ACMSD: variants seen among roughly 807,000 people sequenced by gnomAD.
ACMSD encodes aminocarboxymuconate semialdehyde decarboxylase, also known as 2-amino-3-carboxymuconate-6-semialdehyde decarboxylase.
In ACMSD, 37 loss-of-function variants were observed where a neutral mutation model predicts 45.9. The ratio of observed to expected loss-of-function variants is 0.81; its 90% CI spans 0.62 to 1.06. The LOEUF is 1.06. Ranked by LOEUF, ACMSD falls within the 50% of genes least tolerant of loss-of-function variation. The probability of loss-of-function intolerance (pLI) is 0.00; values close to 1 mark genes in which losing one functional copy is unlikely to be tolerated. For synonymous variants in ACMSD, 138 were observed against 148.8 expected (o/e 0.93, Z 0.53); for missense variants, 434 against 420.9 (o/e 1.03, Z -0.27).
Position 134,838,704 on chromosome 2 carries a change from C to A in ACMSD, c.22C>A (p.His8Asn). 6.2e-7 allele frequency: 1 copy of A among 1,612,244 alleles called. No homozygotes were observed. The highest frequency in any genetic ancestry group is 8.5e-7 in the Non-Finnish European group (1 of 1,178,832). The change falls in exon 1 of 10, where the codon CAT (histidine) becomes AAT (asparagine). Residue 8 changes from histidine (H) to asparagine (N), a missense_variant. Physicochemically the swap from His to Asn is moderately conservative, Grantham distance 68. Transcript: ENST00000356140. MKIDIHS[H>N]ILPKEWPDLK... ...GGAGATGAAAATTGACATCCATAGT[C>A]ATATTCTACCAAAAGAATGGCCAGA... is the stretch of plus-strand genomic sequence containing the variant.
At position 134,853,363 on chromosome 2, in the gene ACMSD, AG is replaced by A. The variant is rs545348370; in HGVS notation, c.103-5897del. Among the ~76,000 whole-genome samples the A allele has an allele frequency of 3.5e-4, 53 of 152,162 alleles. 1 individual carries two copies. The highest frequency in any genetic ancestry group is 1.1e-3 in the African/African-American group (47 of 41,516). ...ATGAAGTTCTGGCTTTAAAAATATA[AG>A]AGGTGTATTTAAAGTGTGTTATCTG... On this transcript the variant is annotated intron_variant, in intron 2 of 9. Transcript: ENST00000356140.
intron 8 of ACMSD, among the ~76,000 whole-genome samples, chr2:134,874,235 G>C (rs141233694): frequency 1.3e-3 from 201 of 152,284 alleles, no homozygotes; most frequent in African/African-American, 4.7e-3. Flanking sequence ...CAAACTTCTT[G>C]ATGCTGAGAT....
intron 4 of ACMSD, 135 bp from the exon 5 acceptor site, chr2:134,863,260 G>A (rs1687929929): frequency 9.7e-7 from 1 of 1,026,074 alleles, no homozygotes; most frequent in Non-Finnish European, 1.5e-6. Context: ...TTCCCAATCT[G>A]TGCCTCTGTT....
intron 2 of ACMSD, chr2:134,857,732 T>C (rs889637052): frequency 4.0e-5 from 6 of 151,746 alleles, no homozygotes; most frequent in African/African-American, 1.2e-4. Flanking sequence ...AGTGGCAAAA[T>C]GAGCCCCCTT....
intron 2 of ACMSD, chr2:134,857,838 A>C (rs1334861447): frequency 6.8e-6 from 1 of 148,038 alleles, no homozygotes; most frequent in Admixed American, 6.7e-5. Flanking sequence ...CATAGACTTT[A>C]TTGTGTTGAT....
chr2:134,871,025 A>G lies in ACMSD; in HGVS notation c.641A>G (p.Lys214Arg), dbSNP rs1420170427. 2 of 1,614,100 alleles carry G rather than the reference A, an allele frequency of 1.2e-6. No homozygotes were observed. Among genetic ancestry groups the G allele is most frequent in the African/African-American group, 2.7e-5 (2 of 75,046 alleles). ...ATGATCATGGGTGGAGTATTTGAGAAGTTTCCCAAACTGAAAGTGTGTTTC... is the reference window on the plus strand; with the variant it reads ...ATGATCATGGGTGGAGTATTTGAGAGGTTTCCCAAACTGAAAGTGTGTTTC... ...CSMIMGGVFE[K>R]FPKLKVCFAH... is the part of the protein sequence containing the mutation. The change falls in exon 7 of 10, where the codon AAG (lysine) becomes AGG (arginine). Residue 214 changes from lysine to arginine, a missense_variant. Coordinates refer to ENST00000356140, the MANE Select transcript of ACMSD (RefSeq NM_138326.3).
intron 2 of ACMSD, among the ~76,000 whole-genome samples, chr2:134,851,210 G>A (rs1007739876): frequency 2.6e-5 from 4 of 152,124 alleles, no homozygotes; most frequent in South Asian, 4.1e-4. Flanking sequence ...CCAGTTCATC[G>A]TTATGGGCAC....
chr2:134,848,341 T>C (rs1687178308), intron 2 of ACMSD, among the ~76,000 whole-genome samples: 1 of 152,224 alleles, frequency 6.6e-6, no homozygotes, highest in East Asian at 1.9e-4. Context: ...TCTAGATCCT[T>C]GAGGAATCGC....
At chr2:134,868,214 T>C (rs1473291991) in intron 6 of ACMSD, among the ~76,000 whole-genome samples, 3 of 152,200 alleles carry the variant, frequency 2.0e-5, no homozygotes, top group Non-Finnish European at 4.4e-5. Context: ...GACCCAGGCT[T>C]GCAATTTGCC....
chr2:134,901,593 C>T (rs969672080), intron 9 of ACMSD, among the ~76,000 whole-genome samples: 1 of 151,918 alleles, frequency 6.6e-6, no homozygotes, highest in African/African-American at 2.4e-5. Context: ...TCTTCTCTCC[C>T]CCTACAATCA....
chr2:134,856,368 G>T (rs1195361571), intron 2 of ACMSD, among the ~76,000 whole-genome samples: 1 of 152,138 alleles, frequency 6.6e-6, no homozygotes, highest in Non-Finnish European at 1.5e-5. Flanking sequence ...GCCCAACGTA[G>T]ATGCCACTGC....
At chr2:134,839,700 A>G (rs1686696065) in intron 1 of ACMSD, among the ~76,000 whole-genome samples, 1 of 152,216 alleles carries the variant, frequency 6.6e-6, no homozygotes, top group Admixed American at 6.5e-5. Flanking sequence ...TTGGTATCTT[A>G]GGTAAGAGGG....
chr2:134,847,232 C>A (rs1356240869), intron 2 of ACMSD, among the ~76,000 whole-genome samples: 1 of 151,814 alleles, frequency 6.6e-6, no homozygotes, highest in East Asian at 1.9e-4. Context: ...TAGAGGCAGA[C>A]AAGAGTAGGG....
At chr2:134,888,551 C>T (rs1213692342) in intron 8 of ACMSD, among the ~76,000 whole-genome samples, 1 of 151,956 alleles carries the variant, frequency 6.6e-6, no homozygotes, top group Non-Finnish European at 1.5e-5. Flanking sequence ...TTCCAAATAG[C>T]CAAAAACTGG....
chr2:134,861,278 G>T (rs950752058), intron 3 of ACMSD, among the ~76,000 whole-genome samples: 1 of 152,130 alleles, frequency 6.6e-6, no homozygotes, highest in African/African-American at 2.4e-5. Context: ...TAGTGAGCAT[G>T]AGACTTGAAT....
intron 8 of ACMSD, among the ~76,000 whole-genome samples, chr2:134,886,246 A>ATTTTTTTTTT (rs756206850): frequency 1.3e-4 from 15 of 115,450 alleles, no homozygotes; most frequent in Non-Finnish European, 2.3e-4. Context: ...TATTATTATT[A>ATTTTTTTTTT]TTTTTTTTTT....
chr2:134,892,486 TAAA>T (rs1298457817), intron 8 of ACMSD, among the ~76,000 whole-genome samples: 2 of 151,656 alleles, frequency 1.3e-5, no homozygotes, highest in Non-Finnish European at 2.9e-5. Context: ...AATAAATAAA[TAAA>T]TAAATAAATA....
chr2:134,875,876 G>A (rs533888672), intron 8 of ACMSD, among the ~76,000 whole-genome samples: 13 of 152,224 alleles, frequency 8.5e-5, no homozygotes, highest in African/African-American at 2.2e-4. Flanking sequence ...GTGGTTGTGC[G>A]AACATCACAG....
chr2:134,851,768 C>A (rs923501427), intron 2 of ACMSD, among the ~76,000 whole-genome samples: 6 of 152,136 alleles, frequency 3.9e-5, no homozygotes, highest in African/African-American at 1.4e-4. Flanking sequence ...TGCAGCCTCA[C>A]CAGCATCTGT....
Sources: gnomAD v4.1 joint callset for allele counts (sites outside exome capture counted in the v4.1 genomes callset) on GRCh38, gnomAD v4.1.1 for gene constraint, MANE v1.5 for transcripts, NCBI Gene and HGNC (gene_info 2026-07-23, HGNC 2026-07-21) for gene names.